RBFOX1: variants seen among roughly 807,000 people sequenced by gnomAD.
The protein encoded by RBFOX1 is RNA binding protein fox-1 homolog 1.
A neutral mutation model predicts 57.7 loss-of-function variants in RBFOX1; 8 were observed. The observed-to-expected ratio is 0.14, with a 90% CI of 0.08 to 0.25. RBFOX1 has a LOEUF of 0.25. Ranked by LOEUF, RBFOX1 falls within the 10% of genes least tolerant of loss-of-function variation. The pLI is 1.00. For synonymous variants in RBFOX1, 326 were observed against 222.4 expected, an observed-to-expected ratio of 1.47 and a Z score of -4.15; for missense variants, 611 against 548.5, an observed-to-expected ratio of 1.11 and a Z score of -1.14.
chr16:6,650,974 C>G (rs1375135643), intron 2 of RBFOX1, among the ~76,000 whole-genome samples: 1 of 152,204 alleles, frequency 6.6e-6, no homozygotes, highest in Admixed American at 6.5e-5. Context: ...ATGATCCCGG[C>G]TTACTGCATC....
intron 2 of RBFOX1, among the ~76,000 whole-genome samples, chr16:5,585,965 A>G (rs566210068): frequency 6.6e-6 from 1 of 152,264 alleles, no homozygotes; most frequent in South Asian, 2.1e-4. Context: ...GTCTTTACAG[A>G]TGGAATAAAT....
intron 4 of RBFOX1, among the ~76,000 whole-genome samples, chr16:7,169,510 G>T (rs1432275279): frequency 6.6e-6 from 1 of 152,178 alleles, no homozygotes; most frequent in Non-Finnish European, 1.5e-5. Context: ...TATAGACATG[G>T]CCTAATGTCC....
At chr16:6,450,756 T>TATATATATACATATATATATACATATAC (rs2094573571) in intron 2 of RBFOX1, among the ~76,000 whole-genome samples, 1 of 48,898 alleles carries the variant, frequency 2.0e-5, no homozygotes, top group South Asian at 7.5e-4. Flanking sequence ...TATATATACA[T>TATATATATACATATATATATACATATAC]ATATATATGT....
chr16:7,313,092 G>A lies in RBFOX1; in HGVS notation c.28-205055G>A, dbSNP rs151264351. Among the ~76,000 whole-genome samples the A allele has an allele frequency of 5.3e-3, 811 of 152,192 alleles. 6 individuals carry two copies. The highest frequency in any genetic ancestry group is 8.0e-3 in the Non-Finnish European group (546 of 68,022). On this transcript the variant is annotated intron_variant, in intron 4 of 15. Coordinates refer to ENST00000550418, the MANE Select transcript of RBFOX1 (RefSeq NM_018723.4). ...AGCAAAAGAAAGGGGTGTGGGACTC[G>A]TACTTCCACATCACTCTTCATCCGG...
intron 3 of RBFOX1, among the ~76,000 whole-genome samples, chr16:5,819,327 C>T (rs1349764396): frequency 6.6e-6 from 1 of 152,176 alleles, no homozygotes; most frequent in Non-Finnish European, 1.5e-5. Context: ...TGCCTGTGAC[C>T]TGACCACCTC....
rs1568077733 is a variant in RBFOX1 at position 6,656,900 on chromosome 16, CAA to C, written c.-16+2251_-16+2252del. On this transcript the variant is annotated intron_variant, in intron 3 of 15. Coordinates refer to ENST00000550418, the MANE Select transcript of RBFOX1 (RefSeq NM_018723.4). ...CTCCTCTCCTCTCCTCTCCTCCCCT[CAA>C]CTCTCCTCTCCTCCCCTCTCCTCTC... is the stretch of plus-strand genomic sequence containing the variant. Among the ~76,000 whole-genome samples the C allele has an allele frequency of 8.7e-4, 85 of 97,656 alleles. 2 individuals are homozygous for C. The highest frequency in any genetic ancestry group is 2.2e-3 in the East Asian group (5 of 2,270). The allele number at this position is 97,656 out of a possible 152,430, so 64.1% of individuals were successfully genotyped here.
intron 1 of RBFOX1, among the ~76,000 whole-genome samples, chr16:6,259,846 A>C (rs2097691051): frequency 1.3e-5 from 2 of 151,862 alleles, no homozygotes; most frequent in African/African-American, 4.8e-5. Context: ...CTGTAGTCCC[A>C]GCTACTCAGG....
intron 4 of RBFOX1, among the ~76,000 whole-genome samples, chr16:7,180,369 A>G (rs565655209): frequency 3.3e-5 from 5 of 152,286 alleles, no homozygotes; most frequent in African/African-American, 9.6e-5. Context: ...CACACAAGAA[A>G]GGGACAGCAT....
At chr16:6,845,006 C>A (rs539508268) in intron 3 of RBFOX1, among the ~76,000 whole-genome samples, 104 of 152,200 alleles carry the variant, frequency 6.8e-4, no homozygotes, top group African/African-American at 2.4e-3. Flanking sequence ...CTGTTTATGT[C>A]CTTTGCCCAC....
intron 2 of RBFOX1, among the ~76,000 whole-genome samples, chr16:6,566,024 C>T (rs769746441): frequency 1.6e-4 from 25 of 152,212 alleles, no homozygotes; most frequent in Admixed American, 6.5e-5. Flanking sequence ...ACAGGTTACA[C>T]CTCTTCTGCG....
At chr16:5,955,312 AAAATAAAATAAAAT>A (rs1375687099) in intron 4 of RBFOX1, among the ~76,000 whole-genome samples, 1 of 27,170 alleles carries the variant, frequency 3.7e-5, no homozygotes, top group Non-Finnish European at 6.0e-5. Context: ...AAAATAAAAT[AAAATAAAATAAAAT>A]AAAATAAAAT....
chr16:6,783,694 T>C (rs2081422181), intron 3 of RBFOX1, among the ~76,000 whole-genome samples: 1 of 152,118 alleles, frequency 6.6e-6, no homozygotes, highest in African/African-American at 2.4e-5. Flanking sequence ...ATTATAATAT[T>C]AGAATATTCT....
chr16:7,329,535 A>G (rs957390424), intron 4 of RBFOX1, among the ~76,000 whole-genome samples: 2 of 152,208 alleles, frequency 1.3e-5, no homozygotes, highest in Non-Finnish European at 2.9e-5. Context: ...TATGTTAAGA[A>G]AAAGAGGTTT....
chr16:7,285,419 A>G (rs575941667), intron 4 of RBFOX1, among the ~76,000 whole-genome samples: 1 of 151,482 alleles, frequency 6.6e-6, no homozygotes, highest in South Asian at 2.1e-4. Flanking sequence ...CAGTGGTGGT[A>G]GTTTTATCTG....
At chr16:7,348,926 A>C (rs981247780) in intron 4 of RBFOX1, among the ~76,000 whole-genome samples, 3 of 152,144 alleles carry the variant, frequency 2.0e-5, no homozygotes, top group African/African-American at 7.2e-5. Context: ...TGGGTGACAC[A>C]GCGAGACTCC....
In RBFOX1 at chr16:6,825,489, A is replaced by G. The variant is rs1325050049; in HGVS notation, c.-16+170839A>G. Among the ~76,000 whole-genome samples the G allele has an allele frequency of 2.6e-5, 4 of 152,168 alleles. No homozygotes were observed. In the East Asian group the frequency reaches 7.7e-4, roughly 29 times the overall value. The stretch of plus-strand genomic sequence containing the variant: ...AAAGGGAGTTGTGTGTTTAGAACAA[A>G]CAAGCTGAGAACACAAAATGAATCT... On this transcript the variant is annotated intron_variant, in intron 3 of 15. Transcript: ENST00000550418.
chr16:6,574,238 A>C (rs1004311910), intron 2 of RBFOX1, among the ~76,000 whole-genome samples: 10 of 151,990 alleles, frequency 6.6e-5, no homozygotes, highest in Admixed American at 5.9e-4. Context: ...GGGCTCCAGC[A>C]TACGGCTTAA....
chr16:6,631,902 G>C (rs183984714), intron 2 of RBFOX1, among the ~76,000 whole-genome samples: 12 of 152,304 alleles, frequency 7.9e-5, no homozygotes, highest in Admixed American at 4.6e-4. Context: ...AGCCAAAGAG[G>C]AGTGAGCAGG....
chr16:5,963,141 C>A (rs144231054), intron 4 of RBFOX1, among the ~76,000 whole-genome samples: 3 of 152,162 alleles, frequency 2.0e-5, no homozygotes, highest in Admixed American at 1.3e-4. Flanking sequence ...TGAAAATCTG[C>A]ATGTTGATCT....
Sources: gnomAD v4.1 joint callset for allele counts (sites outside exome capture counted in the v4.1 genomes callset) on GRCh38, gnomAD v4.1.1 for gene constraint, MANE v1.5 for transcripts, NCBI Gene and HGNC (gene_info 2026-07-23, HGNC 2026-07-21) for gene names.